The following RAB40B variants were observed in gnomAD, a reference collection of about 807,000 sequenced individuals.
The protein encoded by RAB40B is RAB40B, member RAS oncogene family, also known as ras-related protein Rab-40B.
RAB40B carries 21 observed loss-of-function variants against 24.0 expected under a neutral mutation model. The ratio of observed to expected loss-of-function variants is 0.88; its 90% confidence interval spans 0.62 to 1.26. The LOEUF (loss-of-function observed/expected upper bound fraction) is 1.26, where lower values mean the gene tolerates loss of function less well. Ranked by LOEUF, RAB40B falls within the 50% of genes most tolerant of loss-of-function variation. The pLI is 0.00. For missense variants in RAB40B, 348 were observed against 390.5 expected, an observed-to-expected ratio of 0.89 and a Z score of 0.92; for synonymous variants, 167 against 169.8, an observed-to-expected ratio of 0.98 and a Z score of 0.13.
chr17:82,666,297 T>A (rs1263259625), intron 1 of RAB40B, among the ~76,000 whole-genome samples: 1 of 151,038 alleles, frequency 6.6e-6, no homozygotes, highest in Non-Finnish European at 1.5e-5. Flanking sequence ...CAGGCTGGAG[T>A]GCAGTGGTGC....
chr17:82,683,818 A>G (rs60502332), intron 1 of RAB40B, among the ~76,000 whole-genome samples: 1 of 148,558 alleles, frequency 6.7e-6, no homozygotes, highest in Non-Finnish European at 1.5e-5. Flanking sequence ...AAAAAAAAAA[A>G]AAAAAGAAAA....
In RAB40B at chr17:82,655,417, CATT is replaced by C. The variant is rs2046080238; in HGVS notation, c.*2443_*2445del. Reference sequence around the variant, plus strand: ...AAACTTTATTTTATTCTTTCTAGGACATTATCAGTAGTCCCGAGGAGACATCAA... The same window carrying C: ...AAACTTTATTTTATTCTTTCTAGGACATCAGTAGTCCCGAGGAGACATCAA... On this transcript the variant is annotated 3_prime_UTR_variant, in exon 6 of 6. Transcript: ENST00000571995. 1 of 152,136 alleles carries C rather than the reference CATT, an allele frequency of 6.6e-6. No homozygotes were observed. Among genetic ancestry groups the C allele is most frequent in the African/African-American group, 2.4e-5 (1 of 41,400 alleles). 9.4% of individuals were successfully genotyped at this position (152,136 alleles called of 1,614,324 possible).
chr17:82,690,109 T>A (rs1027927898), intron 1 of RAB40B, among the ~76,000 whole-genome samples: 1 of 152,234 alleles, frequency 6.6e-6, no homozygotes, highest in African/African-American at 2.4e-5. Flanking sequence ...CTCGAGGTGG[T>A]TGCCAAGGGA....
Position 82,667,942 on chromosome 17 carries a change from G to A in RAB40B, c.143-3386C>T, listed in dbSNP as rs111835757. On this transcript the variant is annotated intron_variant, in intron 1 of 5. Coordinates refer to ENST00000571995, the MANE Select transcript of RAB40B (RefSeq NM_006822.3). This position sits in a 1 kb window ranked among gnomAD's most constrained non-coding sequence, Gnocchi z 4.3. ...CTCTCTTCTTGGCATGGGCGCTGAC[G>A]GGGCACTGATGGGGCCTTTGGGATG... 4.0e-4 allele frequency among the ~76,000 whole-genome samples: 61 copies of A among 152,234 alleles called. No homozygotes were observed. Among genetic ancestry groups the A allele is most frequent in the African/African-American group, 1.4e-3 (59 of 41,540 alleles).
At position 82,698,625 on chromosome 17, in the gene RAB40B, C is replaced by T. The variant is rs1235672460; in HGVS notation, c.-29G>A. ...GACGGCCCGGCGCCCCCACCCATGC[C>T]CGGCCTGCGGGGCTGAGCGCAGAGG... On this transcript the variant is annotated 5_prime_UTR_variant, in exon 1 of 6. Transcript: ENST00000571995. 3 of 1,401,344 alleles carry T rather than the reference C, an allele frequency of 2.1e-6. No homozygotes were observed. The highest frequency in any genetic ancestry group is 1.5e-5 in the African/African-American group (1 of 67,040). 86.8% of individuals were successfully genotyped at this position (1,401,344 alleles called of 1,614,324 possible).
intron 1 of RAB40B, among the ~76,000 whole-genome samples, chr17:82,681,020 C>CAAAA (rs201799464): frequency 4.0e-4 from 38 of 93,914 alleles, no homozygotes; most frequent in East Asian, 7.0e-4. Flanking sequence ...GACTCCATCT[C>CAAAA]AAAAAAAAAA....
At chr17:82,685,449 G>A (rs968320027) in intron 1 of RAB40B, among the ~76,000 whole-genome samples, 4 of 152,152 alleles carry the variant, frequency 2.6e-5, no homozygotes, top group African/African-American at 9.7e-5. Flanking sequence ...CCCCAAGCAT[G>A]GACGACCGGC....
chr17:82,662,043 C>T, intron 2 of RAB40B: 2 of 985,472 alleles, frequency 2.0e-6, no homozygotes, highest in African/African-American at 1.7e-5. Context: ...GGAGATTCCC[C>T]AGTGGGCCAG....
chr17:82,692,444 A>T lies in RAB40B; in HGVS notation c.142+6011T>A, dbSNP rs955393410. ...CCTGAGCAAGGACAAGATGCATCTG[A>T]CTGCCCTGGCCAGCACAGGGCATGC... On this transcript the variant is annotated intron_variant, in intron 1 of 5. Coordinates refer to ENST00000571995, the MANE Select transcript of RAB40B (RefSeq NM_006822.3). This position sits in a 1 kb window ranked among gnomAD's most constrained non-coding sequence, Gnocchi z 4.0. Among the ~76,000 whole-genome samples the T allele has an allele frequency of 6.6e-5, 10 of 152,232 alleles. No homozygotes were observed. The highest frequency in any genetic ancestry group is 6.2e-4 in the South Asian group (3 of 4,830).
At position 82,657,842 on chromosome 17, in the gene RAB40B, G is replaced by T; in HGVS notation, c.*21C>A. ...GAGCTTCTCCTGGAGAGATTCCGCC[G>T]TGTTTCTTTCAGTGCCTTCCTTAAG... On this transcript the variant is annotated 3_prime_UTR_variant, in exon 6 of 6. Coordinates refer to ENST00000571995, the MANE Select transcript of RAB40B (RefSeq NM_006822.3). 2 of 1,594,182 alleles carry T rather than the reference G, an allele frequency of 1.3e-6. No individual in the cohort carries two copies. Among genetic ancestry groups the T allele is most frequent in the South Asian group, 1.1e-5 (1 of 90,556 alleles).
At chr17:82,674,433 C>G (rs997914220) in intron 1 of RAB40B, among the ~76,000 whole-genome samples, 3 of 148,908 alleles carry the variant, frequency 2.0e-5, no homozygotes, top group Non-Finnish European at 3.0e-5. Flanking sequence ...AGTTCGAGAC[C>G]ATCCTGGCTA....
chr17:82,657,956 G>A lies in RAB40B; in HGVS notation c.744C>T (p.Thr248=), dbSNP rs1479509767. Residue 248 remains threonine, a synonymous_variant, in exon 6 of 6, where the codon ACC becomes ACT. Coordinates refer to ENST00000571995, the MANE Select transcript of RAB40B (RefSeq NM_006822.3). ...CTTTGCGGAGGCTGCTCCTTTTGTG[G>A]GTGGAGCTGGTGGTGAGGGAGTAGG... ...GGSYSLTTSS[T]HKRSSLRKVK... 6.2e-7 allele frequency: 1 copy of A among 1,614,132 alleles called. No homozygotes were observed. The highest frequency in any genetic ancestry group is 8.5e-7 in the Non-Finnish European group (1 of 1,180,004).
intron 2 of RAB40B, chr17:82,662,794 A>G: frequency 1.0e-6 from 1 of 985,418 alleles, no homozygotes; most frequent in Non-Finnish European, 1.2e-6. Flanking sequence ...CCCACTGGGC[A>G]GCTGGGGTCA....
At chr17:82,658,975 A>C (rs1598292214) in intron 4 of RAB40B, 28 of 433,854 alleles carry the variant, frequency 6.5e-5, no homozygotes, top group East Asian at 1.7e-4. Context: ...ATGTTACGCG[A>C]AGGCAGAGGC....
chr17:82,679,812 G>A (rs1033119353), intron 1 of RAB40B, among the ~76,000 whole-genome samples: 1 of 38,486 alleles, frequency 2.6e-5, no homozygotes, highest in Non-Finnish European at 5.7e-5. Context: ...CACCACCACA[G>A]GACACCTGGA....
chr17:82,674,230 C>G (rs563465489), intron 1 of RAB40B, among the ~76,000 whole-genome samples: 184 of 152,080 alleles, frequency 1.2e-3, no homozygotes, highest in Admixed American at 3.6e-3. Context: ...ATCCCAGCCA[C>G]TCAGGAGGCT....
chr17:82,671,428 A>ACT (rs2046333123), intron 1 of RAB40B, among the ~76,000 whole-genome samples: 1 of 134,826 alleles, frequency 7.4e-6, no homozygotes, highest in South Asian at 2.5e-4. Context: ...TCTAACACAC[A>ACT]CACGCTCCCT....
In RAB40B at chr17:82,672,650, C is replaced by T. The variant is rs550234325; in HGVS notation, c.143-8094G>A. Among the ~76,000 whole-genome samples the T allele has an allele frequency of 6.6e-5, 10 of 152,332 alleles. No homozygotes were observed. In the East Asian group the frequency reaches 1.7e-3, roughly 26 times the overall value. ...AAGGAGAGGAAGACACCTGAGCTGA[C>T]GGGCTTGCGCGATGCCCTCTGCCAG... On this transcript the variant is annotated intron_variant, in intron 1 of 5. Coordinates refer to ENST00000571995, the MANE Select transcript of RAB40B (RefSeq NM_006822.3).
rs377754104 is a variant in RAB40B at position 82,658,471 on chromosome 17, G to A, written c.565+20C>T. The A allele has an allele frequency of 2.3e-5, 37 of 1,609,384 alleles. No individual in the cohort carries two copies. Among genetic ancestry groups the A allele is most frequent in the East Asian group, 4.5e-5 (2 of 44,872 alleles). Reference sequence around the variant, plus strand: ...CATCTGGAGGGCAGAGGTGGCCCCCGGAATAGCCCCTGGGCCTACCCTTGC... The same window carrying A: ...CATCTGGAGGGCAGAGGTGGCCCCCAGAATAGCCCCTGGGCCTACCCTTGC... On this transcript the variant is annotated intron_variant, in intron 5 of 5. Coordinates refer to ENST00000571995, the MANE Select transcript of RAB40B (RefSeq NM_006822.3).
Sources: gnomAD v4.1 joint callset for allele counts (sites outside exome capture counted in the v4.1 genomes callset) on GRCh38, gnomAD v4.1.1 for gene constraint, Gnocchi (gnomAD v3.1) non-coding constraint, MANE v1.5 for transcripts, NCBI Gene and HGNC (gene_info 2026-07-23, HGNC 2026-07-21) for gene names.